Variants in CHST15 observed in about 807,000 individuals in gnomAD.
CHST15 encodes B cell RAG associated protein (GALNAC4S-6ST).
CHST15 carries 30 observed loss-of-function variants against 53.6 expected under a neutral mutation model. The observed-to-expected ratio is 0.56, with a 90% CI of 0.42 to 0.76. CHST15 has a LOEUF of 0.76. Ranked by LOEUF, CHST15 falls within the 30% of genes least tolerant of loss-of-function variation. The pLI is 0.00. For missense variants in CHST15, 627 were observed against 740.5 expected (o/e 0.85, Z 1.78); for synonymous variants, 296 against 289.8 (o/e 1.02, Z -0.22).
chr10:124,085,492 A>G (rs1350237519), intron 1 of CHST15, among the ~76,000 whole-genome samples: 1 of 152,242 alleles, frequency 6.6e-6, no homozygotes. Flanking sequence ...GTGCCACACT[A>G]TCAAACTCAG....
Position 124,019,695 on chromosome 10 carries a change from G to T in CHST15, c.1347+1561C>A. The T allele has an allele frequency of 1.2e-6, 1 of 805,216 alleles. No individual in the cohort carries two copies. The highest frequency in any genetic ancestry group is 1.5e-6 in the Non-Finnish European group (1 of 665,122). The allele number at this position is 805,216 out of a possible 1,614,324, so 49.9% of individuals were successfully genotyped here. Reference sequence around the variant, plus strand: ...CTTTTATTATAGGTGCCTCAGCCATGAACACAGTAGTGAGATATTCCTTTT... The same window carrying T: ...CTTTTATTATAGGTGCCTCAGCCATTAACACAGTAGTGAGATATTCCTTTT... On this transcript the variant is annotated intron_variant, in intron 6 of 7. Coordinates refer to ENST00000435907, the MANE Select transcript of CHST15 (RefSeq NM_001270764.2). This position sits in a 1 kb window ranked among gnomAD's most constrained non-coding sequence, Gnocchi z 4.6.
At chr10:124,035,150 C>CA (rs1947422139) in intron 5 of CHST15, among the ~76,000 whole-genome samples, 2 of 136,478 alleles carry the variant, frequency 1.5e-5, no homozygotes, top group East Asian at 2.2e-4. Context: ...CGCCCCCTAA[C>CA]GGGGACCCCG....
chr10:124,044,572 G>A lies in CHST15; in HGVS notation c.886+8C>T. On this transcript the variant is annotated splice_region_variant and intron_variant, in intron 3 of 7. Transcript: ENST00000435907. ...GACCAGACAGGAGCCCTGGGACCCA[G>A]CACTCACCAAAGCGCTTCCGGGTCC... 6.6e-7 allele frequency: 1 copy of A among 1,508,304 alleles called. No homozygotes were observed. Among genetic ancestry groups the A allele is most frequent in the Admixed American group, 2.2e-5 (1 of 44,722 alleles). The allele number at this position is 1,508,304 out of a possible 1,614,324, so 93.4% of individuals were successfully genotyped here.
intron 1 of CHST15, among the ~76,000 whole-genome samples, chr10:124,086,637 T>G (rs1056526537): frequency 2.7e-5 from 4 of 150,802 alleles, no homozygotes; most frequent in South Asian, 2.1e-4. Context: ...AGCCATCGCA[T>G]GTGGATTTCC....
At chr10:124,077,894 C>G (rs1447598150) in intron 1 of CHST15, among the ~76,000 whole-genome samples, 1 of 152,176 alleles carries the variant, frequency 6.6e-6, no homozygotes, top group Non-Finnish European at 1.5e-5. Context: ...TTTATAAAAT[C>G]AGCTTGTAGA....
chr10:124,044,549 C>G, intron 3 of CHST15, 31 bp downstream of exon 3: 8 of 1,455,360 alleles, frequency 5.5e-6, no homozygotes, highest in Non-Finnish European at 7.3e-6. Context: ...AGGAACGAGA[C>G]CAGACAGGAG....
intron 4 of CHST15, among the ~76,000 whole-genome samples, chr10:124,039,078 C>T (rs557469958): frequency 1.2e-4 from 18 of 152,236 alleles, no homozygotes; most frequent in South Asian, 1.0e-3. Flanking sequence ...CAGAAAAACA[C>T]GCCAAAACAT....
At chr10:124,032,524 C>T (rs1947262613) in intron 5 of CHST15, among the ~76,000 whole-genome samples, 1 of 152,190 alleles carries the variant, frequency 6.6e-6, no homozygotes, top group Admixed American at 6.5e-5. Flanking sequence ...GAGACAAACA[C>T]TATCAACTGT....
At chr10:124,033,970 T>C (rs1028501562) in intron 5 of CHST15, among the ~76,000 whole-genome samples, 1 of 152,226 alleles carries the variant, frequency 6.6e-6, no homozygotes, top group Non-Finnish European at 1.5e-5. Flanking sequence ...CAGCAGGCAA[T>C]GCAAGGCCTG....
At chr10:124,032,857 A>C (rs1947279282) in intron 5 of CHST15, among the ~76,000 whole-genome samples, 1 of 151,920 alleles carries the variant, frequency 6.6e-6, no homozygotes, top group Non-Finnish European at 1.5e-5. Context: ...CTTCTCTGGA[A>C]ATTTAAAAGT....
intron 6 of CHST15, among the ~76,000 whole-genome samples, chr10:124,014,906 C>T (rs932471528): frequency 6.6e-6 from 1 of 152,160 alleles, no homozygotes; most frequent in African/African-American, 2.4e-5. Flanking sequence ...AGGCCTGCAC[C>T]GCAGCATGGT....
In CHST15 at chr10:124,011,692, GT is replaced by G. The variant is rs756437164; in HGVS notation, c.1495+640del. On this transcript the variant is annotated intron_variant, in intron 7 of 7. Transcript: ENST00000435907. ...CAGCAGTGTGGCCTGTCACCACAAA[GT>G]GACTCTCAGGCCCCTGGGGGGGCTG... 400 of 985,344 alleles carry G rather than the reference GT, an allele frequency of 4.1e-4. 1 individual carries two copies. The highest frequency in any genetic ancestry group is 1.1e-3 in the Admixed American group (18 of 16,266). 61.0% of individuals were successfully genotyped at this position (985,344 alleles called of 1,614,324 possible).
In CHST15 at chr10:124,038,618, C is replaced by T. The variant is rs1040064513; in HGVS notation, c.1087G>A (p.Asp363Asn). ...GGTGGCTCGCCATCCGTGCTGTTGT[C>T]GTAGAAGAACGTCCAGGCATTATTA... Reference protein sequence around the residue: ...WDNNAWTFFYDNSTDGEPPFL... With the variant: ...WDNNAWTFFYNNSTDGEPPFL... Residue 363 changes from aspartate (D) to asparagine (N), a missense_variant, in exon 5 of 8, where the codon GAC (aspartate) becomes AAC (asparagine). Physicochemically the swap from Asp to Asn is conservative, Grantham distance 23. Transcript: ENST00000435907. The T allele has an allele frequency of 6.2e-6, 10 of 1,614,160 alleles. No individual in the cohort carries two copies. Among genetic ancestry groups the T allele is most frequent in the East Asian group, 4.5e-5 (2 of 44,882 alleles).
At chr10:124,048,567 G>A (rs965733625) in intron 1 of CHST15, among the ~76,000 whole-genome samples, 1 of 152,140 alleles carries the variant, frequency 6.6e-6, no homozygotes, top group Non-Finnish European at 1.5e-5. Flanking sequence ...CTGACCCATC[G>A]CTTGCTACAA....
At chr10:124,056,392 T>G (rs1302935345) in intron 1 of CHST15, among the ~76,000 whole-genome samples, 1 of 152,088 alleles carries the variant, frequency 6.6e-6, no homozygotes, top group Non-Finnish European at 1.5e-5. Flanking sequence ...GGGCATTGAG[T>G]CTTAACCTGT....
chr10:124,067,671 T>C (rs1409823017), intron 1 of CHST15, among the ~76,000 whole-genome samples: 1 of 152,238 alleles, frequency 6.6e-6, no homozygotes, highest in Non-Finnish European at 1.5e-5. Context: ...GCCTGGAGTG[T>C]AGTGGCATGA....
At chr10:124,093,376 C>A in intron 1 of CHST15, 93 bp downstream of exon 1, 1 of 152,538 alleles carries the variant, frequency 6.6e-6, no homozygotes, top group South Asian at 1.8e-4. Context: ...GGCCCGAACC[C>A]GCGGAGGGGC....
chr10:124,073,783 C>T lies in CHST15; in HGVS notation c.-513+19686G>A, dbSNP rs1948992906. On this transcript the variant is annotated intron_variant, in intron 1 of 7. Transcript: ENST00000435907. ...CTTTCAGAGGCGCCAAACCAAAGCT[C>T]CTCTGTTTGTGCATTTTAAAATGGT... is the stretch of plus-strand genomic sequence containing the variant. 2.6e-5 allele frequency among the ~76,000 whole-genome samples: 4 copies of T among 152,178 alleles called. No individual in the cohort carries two copies. In the South Asian group the frequency reaches 8.3e-4, roughly 32 times the overall value.
rs1415832128 is a variant in CHST15, at chr10:124,045,647, A to G, written c.546+20T>C. 9.7e-6 allele frequency: 15 copies of G among 1,551,394 alleles called. No homozygotes were observed. The South Asian group carries it at 1.9e-4, about 20-fold the overall frequency. ...TCTAAAAATCAACCAATCAGTCAAG[A>G]TTAGCACAAAGCTACTCACATGCAA... On this transcript the variant is annotated intron_variant, in intron 2 of 7. Transcript: ENST00000435907.
Sources: allele counts gnomAD v4.1 joint callset (sites outside exome capture counted in the v4.1 genomes callset), GRCh38; gene constraint gnomAD v4.1.1; non-coding constraint Gnocchi (gnomAD v3.1); transcripts MANE v1.5; gene names NCBI Gene and HGNC (gene_info 2026-07-23, HGNC 2026-07-21).